DOCK3: variants seen among roughly 807,000 people sequenced by gnomAD.
The protein encoded by DOCK3 is dedicator of cytokinesis 3, also known as dedicator of cytokinesis protein 3.
Under a neutral mutation model 265.6 loss-of-function variants are expected in DOCK3, and 60 were observed. The ratio of observed to expected loss-of-function variants is 0.23; its 90% CI spans 0.18 to 0.28. The LOEUF is 0.28. Ranked by LOEUF, DOCK3 falls within the 10% of genes least tolerant of loss-of-function variation. The probability of loss-of-function intolerance (pLI) is 1.00; values close to 1 mark genes in which losing one functional copy is unlikely to be tolerated. For synonymous variants in DOCK3, 881 were observed against 938.0 expected, an observed-to-expected ratio of 0.94 and a Z score of 1.11; for missense variants, 1,981 against 2,594.3, an observed-to-expected ratio of 0.76 and a Z score of 5.14.
chr3:51,380,996 AAGTCAGCCTGT>A (rs2088587557), intron 52 of DOCK3, 43 bp from the exon 53 acceptor site: 4 of 1,526,178 alleles, frequency 2.6e-6, no homozygotes, highest in Non-Finnish European at 3.5e-6. Flanking sequence ...TATGGCGGGC[AAGTCAGCCTGT>A]CTGGAGAGAG....
At chr3:51,056,248 T>A (rs1002940966) in intron 5 of DOCK3, among the ~76,000 whole-genome samples, 3 of 152,206 alleles carry the variant, frequency 2.0e-5, no homozygotes, top group African/African-American at 7.2e-5. Context: ...TATTATTATT[T>A]TTATTTTATT....
intron 5 of DOCK3, among the ~76,000 whole-genome samples, chr3:50,935,950 A>G (rs1398128620): frequency 1.3e-5 from 2 of 152,204 alleles, no homozygotes; most frequent in Non-Finnish European, 2.9e-5. Context: ...AAAAATCAGG[A>G]AAATAGAAAC....
intron 14 of DOCK3, among the ~76,000 whole-genome samples, chr3:51,221,173 G>A (rs1165908691): frequency 6.6e-6 from 1 of 152,056 alleles, no homozygotes; most frequent in African/African-American, 2.4e-5. Context: ...TTTTAAGATC[G>A]CTCACTCCAT....
chr3:50,767,039 T>C (rs1424695704), intron 1 of DOCK3, among the ~76,000 whole-genome samples: 1 of 152,196 alleles, frequency 6.6e-6, no homozygotes, highest in East Asian at 1.9e-4. Context: ...GATGGGTAGA[T>C]TGCGAAAATA....
chr3:50,769,770 C>T (rs982621654), intron 1 of DOCK3, among the ~76,000 whole-genome samples: 1 of 145,164 alleles, frequency 6.9e-6, no homozygotes, highest in African/African-American at 2.6e-5. Flanking sequence ...TGAGATTGTG[C>T]CATTGCAGTC....
chr3:51,160,527 C>A, intron 11 of DOCK3, 28 bp from the exon 12 acceptor site: 1 of 1,584,896 alleles, frequency 6.3e-7, no homozygotes, highest in Non-Finnish European at 8.6e-7. Flanking sequence ...TTTTCTCAGT[C>A]TGACTGGTGT....
At chr3:50,676,683 T>G (rs2033979828) in intron 1 of DOCK3, among the ~76,000 whole-genome samples, 1 of 150,068 alleles carries the variant, frequency 6.7e-6, no homozygotes, top group Non-Finnish European at 1.5e-5. Flanking sequence ...TGATTGATTT[T>G]TTTGGAGGGG....
chr3:50,793,225 T>A (rs2042581001), intron 2 of DOCK3, among the ~76,000 whole-genome samples: 1 of 152,188 alleles, frequency 6.6e-6, no homozygotes. Context: ...CTGATGGTTA[T>A]TTGAATTTTT....
intron 21 of DOCK3, among the ~76,000 whole-genome samples, chr3:51,238,155 T>TTTTTTTTTTTTTTC (rs2078434337): frequency 1.8e-5 from 1 of 54,994 alleles, no homozygotes; most frequent in Non-Finnish European, 3.3e-5. Context: ...TTTTTTTTTT[T>TTTTTTTTTTTTTTC]TTTTTGAGAT....
intron 12 of DOCK3, among the ~76,000 whole-genome samples, chr3:51,164,623 C>CAAAA (rs11399207): frequency 5.6e-5 from 6 of 106,392 alleles, no homozygotes; most frequent in South Asian, 3.4e-4. Context: ...GACTCCGTCT[C>CAAAA]AAAAAAAAAA....
chr3:51,154,051 G>T (rs1229451455), intron 10 of DOCK3, among the ~76,000 whole-genome samples: 1 of 152,102 alleles, frequency 6.6e-6, no homozygotes, highest in Non-Finnish European at 1.5e-5. Flanking sequence ...GATTACATTG[G>T]GCCTCTTAAA....
chr3:50,837,018 T>C (rs1358841300), intron 2 of DOCK3, among the ~76,000 whole-genome samples: 1 of 152,178 alleles, frequency 6.6e-6, no homozygotes, highest in African/African-American at 2.4e-5. Flanking sequence ...GACTTCATTG[T>C]CAATATCACT....
At chr3:51,335,459 C>T (rs1228148167) in intron 35 of DOCK3, among the ~76,000 whole-genome samples, 1 of 152,142 alleles carries the variant, frequency 6.6e-6, no homozygotes, top group Non-Finnish European at 1.5e-5. Flanking sequence ...AAGCCAGGAG[C>T]TTACCTTTCC....
At chr3:50,941,481 A>G (rs2076293569) in intron 5 of DOCK3, among the ~76,000 whole-genome samples, 1 of 152,090 alleles carries the variant, frequency 6.6e-6, no homozygotes, top group Non-Finnish European at 1.5e-5. Context: ...AAAATGGCAC[A>G]CCCACTTGGA....
intron 1 of DOCK3, among the ~76,000 whole-genome samples, chr3:50,753,261 A>G (rs2039948545): frequency 1.3e-5 from 2 of 152,214 alleles, no homozygotes; most frequent in African/African-American, 4.8e-5. Context: ...GCTGATCTGT[A>G]ATGAGATTTT....
intron 2 of DOCK3, among the ~76,000 whole-genome samples, chr3:50,779,021 G>C (rs1178228303): frequency 6.6e-6 from 1 of 152,074 alleles, no homozygotes; most frequent in Non-Finnish European, 1.5e-5. Context: ...GGGTACTTGA[G>C]ATACTTTGGT....
intron 12 of DOCK3, 52 bp downstream of exon 12, chr3:51,160,754 G>T: frequency 6.3e-7 from 1 of 1,581,132 alleles, no homozygotes; most frequent in Admixed American, 1.7e-5. Context: ...AGACATCCCA[G>T]CACTGCCCTT....
At chr3:50,945,426 C>T (rs889150786) in intron 5 of DOCK3, among the ~76,000 whole-genome samples, 29 of 152,064 alleles carry the variant, frequency 1.9e-4, no homozygotes, top group African/African-American at 6.3e-4. Context: ...TCTACTAGGG[C>T]ATAGTTACTG....
chr3:50,882,895 A>G (rs2048123957), intron 3 of DOCK3, among the ~76,000 whole-genome samples: 1 of 152,244 alleles, frequency 6.6e-6, no homozygotes. Flanking sequence ...AGACTGGATT[A>G]AGAAAATGTG....
Sources: gnomAD v4.1 joint callset for allele counts (sites outside exome capture counted in the v4.1 genomes callset) on GRCh38, gnomAD v4.1.1 for gene constraint, MANE v1.5 for transcripts, NCBI Gene and HGNC (gene_info 2026-07-23, HGNC 2026-07-21) for gene names.